Variants in COL22A1 observed in about 807,000 individuals in gnomAD.
COL22A1 encodes collagen type XXII alpha 1 chain.
Under a neutral mutation model 248.9 loss-of-function variants are expected in COL22A1, and 221 were observed. The observed-to-expected ratio is 0.89, with a 90% CI of 0.80 to 0.99. The LOEUF is 0.99. Among genes scored for constraint, COL22A1 ranks in the 50% least tolerant of loss-of-function variants. COL22A1 has a pLI of 0.00. For missense variants in COL22A1, 2,240 were observed against 2,179.0 expected (o/e 1.03, Z -0.56); for synonymous variants, 891 against 793.4 (o/e 1.12, Z -2.07).
chr8:138,722,182 G>T, intron 25 of COL22A1, 93 bp from the exon 26 acceptor site: 1 of 1,106,602 alleles, frequency 9.0e-7, no homozygotes, highest in Non-Finnish European at 1.3e-6. Context: ...TGTTTTTGCA[G>T]CCAGAATGCA....
chr8:138,781,008 T>C, intron 12 of COL22A1, 28 bp from the exon 13 acceptor site: 1 of 1,522,180 alleles, frequency 6.6e-7, no homozygotes, highest in Non-Finnish European at 9.0e-7. Flanking sequence ...GAATAGCAAT[T>C]AGTAAAGAAT....
At chr8:138,604,600 A>G (rs1818283353) in intron 59 of COL22A1, 134 bp downstream of exon 59, 1 of 761,874 alleles carries the variant, frequency 1.3e-6, no homozygotes, top group Admixed American at 2.4e-5. Context: ...AAAAGGCATT[A>G]AGAATTTCAA....
At chr8:138,783,968 G>A (rs1308343148) in intron 12 of COL22A1, among the ~76,000 whole-genome samples, 2 of 152,206 alleles carry the variant, frequency 1.3e-5, no homozygotes, top group Non-Finnish European at 2.9e-5. Flanking sequence ...CATGCAGGGA[G>A]AGGGACTGCT....
chr8:138,803,490 G>A (rs1272750309), intron 10 of COL22A1, among the ~76,000 whole-genome samples: 1 of 151,918 alleles, frequency 6.6e-6, no homozygotes, highest in Non-Finnish European at 1.5e-5. Context: ...CCTGCACAAT[G>A]TGCACATGTA....
intron 3 of COL22A1, among the ~76,000 whole-genome samples, chr8:138,852,737 T>C (rs951088602): frequency 4.0e-5 from 6 of 151,474 alleles, no homozygotes; most frequent in Non-Finnish European, 8.8e-5. Flanking sequence ...TGAGAAGGGG[T>C]GGCCAGTGAG....
At chr8:138,594,403 C>T (rs949837363) in intron 62 of COL22A1, among the ~76,000 whole-genome samples, 2 of 152,304 alleles carry the variant, frequency 1.3e-5, no homozygotes, top group Admixed American at 6.5e-5. Flanking sequence ...TCACATGACA[C>T]ATGTGCAGCA....
chr8:138,598,931 T>G (rs758215085), intron 60 of COL22A1, 33 bp from the exon 61 acceptor site: 2 of 1,610,324 alleles, frequency 1.2e-6, no homozygotes, highest in South Asian at 2.2e-5. Flanking sequence ...AGCATGTGTC[T>G]CAGGGCTGGA....
At position 138,623,751 on chromosome 8, in the gene COL22A1, G is replaced by A. The variant is rs771027564; in HGVS notation, c.3752C>T (p.Pro1251Leu). 10 of 1,611,930 alleles carry A rather than the reference G, an allele frequency of 6.2e-6. No individual in the cohort carries two copies. Among genetic ancestry groups the A allele is most frequent in the South Asian group, 4.4e-5 (4 of 90,842 alleles). Residue 1251 changes from proline to leucine, a missense_variant, in exon 52 of 65, where the codon CCG becomes CTG. Physicochemically the swap from Pro to Leu is moderately conservative, Grantham distance 98. Coordinates refer to ENST00000303045, the MANE Select transcript of COL22A1 (RefSeq NM_152888.3). ...EEGKEGRDGK[P>L]GPPGEPGKAG... is the part of the protein sequence containing the mutation. ...CTTTACCGGCTCTCCAGGGGGACCC[G>A]GCTTTCCATCTCTGCCCTCTTTGCC... is the stretch of plus-strand genomic sequence containing the variant.
chr8:138,833,485 A>C (rs1299906860), intron 4 of COL22A1, among the ~76,000 whole-genome samples: 2 of 152,190 alleles, frequency 1.3e-5, no homozygotes, highest in Non-Finnish European at 2.9e-5. Flanking sequence ...CGAAACCCAG[A>C]TGTGTGCTCT....
chr8:138,719,001 G>T (rs1445975923), intron 27 of COL22A1, among the ~76,000 whole-genome samples: 2 of 152,130 alleles, frequency 1.3e-5, no homozygotes, highest in Non-Finnish European at 2.9e-5. Flanking sequence ...GAATAGAAAG[G>T]TGGGGTTCAT....
chr8:138,740,723 A>G (rs1015605615), intron 22 of COL22A1, among the ~76,000 whole-genome samples: 5 of 152,222 alleles, frequency 3.3e-5, no homozygotes, highest in African/African-American at 1.2e-4. Flanking sequence ...GCAAGGAGAA[A>G]GAAACCAAAA....
chr8:138,654,133 T>C (rs1039438825), intron 45 of COL22A1, among the ~76,000 whole-genome samples: 2 of 152,138 alleles, frequency 1.3e-5, no homozygotes, highest in Admixed American at 6.5e-5. Flanking sequence ...GACATAAAGA[T>C]TGGGACATCT....
At position 138,725,417 on chromosome 8, in the gene COL22A1, G is replaced by T. The variant is rs752054228; in HGVS notation, c.2163C>A (p.Val721=). The T allele has an allele frequency of 9.3e-6, 15 of 1,614,058 alleles. No homozygotes were observed. The highest frequency in any genetic ancestry group is 1.3e-5 in the Non-Finnish European group (15 of 1,180,026). ...GLQGPPGPPG[V]PGPPGPGGSP... Reference sequence around the variant, plus strand: ...AACCTCCCGGTCCAGGGGGGCCTGGGACACCAGGGGGTCCTGGAGGGCCCT... The same window carrying T: ...AACCTCCCGGTCCAGGGGGGCCTGGTACACCAGGGGGTCCTGGAGGGCCCT... The change falls in exon 24 of 65, where the codon GTC becomes GTA. Residue 721 remains valine, a synonymous_variant. Coordinates refer to ENST00000303045, the MANE Select transcript of COL22A1 (RefSeq NM_152888.3).
At position 138,813,009 on chromosome 8, in the gene COL22A1, T is replaced by A. The variant is rs1189794402; in HGVS notation, c.1256A>T (p.Gln419Leu). The A allele has an allele frequency of 1.2e-6, 2 of 1,613,916 alleles. No homozygotes were observed. The highest frequency in any genetic ancestry group is 1.7e-5 in the Admixed American group (1 of 60,020). Reference sequence around the variant, plus strand: ...CGAGTCACAATAGATCACAATCCGCTGTAGGTCAAACTGGAAAGGAAAGCA... The same window carrying A: ...CGAGTCACAATAGATCACAATCCGCAGTAGGTCAAACTGGAAAGGAAAGCA... ...YDSVPIDFDLQRIVIYCDSRH... is the reference protein window; with the variant it reads ...YDSVPIDFDLLRIVIYCDSRH... The change falls in exon 8 of 65, where the codon CAG becomes CTG. Residue 419 changes from glutamine (Q) to leucine (L), a missense_variant. Gln to Leu is a moderately radical substitution (Grantham distance 113). Transcript: ENST00000303045.
intron 51 of COL22A1, 103 bp downstream of exon 51, chr8:138,626,087 T>G: frequency 1.2e-6 from 1 of 825,156 alleles, no homozygotes; most frequent in Non-Finnish European, 1.9e-6. Context: ...AAAATTCTAG[T>G]GGCCAGGCCT....
intron 11 of COL22A1, 99 bp downstream of exon 11, chr8:138,802,773 T>A: frequency 1.1e-6 from 1 of 908,106 alleles, no homozygotes; most frequent in South Asian, 1.3e-5. Context: ...CCCTGCCAGG[T>A]ATTCAGCCCA....
At chr8:138,773,651 G>A (rs924063614) in intron 16 of COL22A1, among the ~76,000 whole-genome samples, 25 of 152,244 alleles carry the variant, frequency 1.6e-4, no homozygotes, top group South Asian at 4.1e-4. Flanking sequence ...GTGTTGGCAG[G>A]TGTTGCCCGC....
At chr8:138,737,626 C>T (rs1831226144) in intron 22 of COL22A1, 49 bp from the exon 23 acceptor site, 1 of 1,271,124 alleles carries the variant, frequency 7.9e-7, no homozygotes, top group African/African-American at 1.5e-5. Flanking sequence ...AATTGTCAAC[C>T]AGAGGGGGTT....
chr8:138,901,358 G>GGTT (rs1554660859), intron 1 of COL22A1, among the ~76,000 whole-genome samples: 1 of 131,514 alleles, frequency 7.6e-6, no homozygotes, highest in Non-Finnish European at 1.6e-5. Context: ...TTACTGGCAG[G>GGTT]TTTTTTTTTT....
Sources: gnomAD v4.1 joint callset for allele counts (sites outside exome capture counted in the v4.1 genomes callset) on GRCh38, gnomAD v4.1.1 for gene constraint, MANE v1.5 for transcripts, NCBI Gene and HGNC (gene_info 2026-07-23, HGNC 2026-07-21) for gene names.